Variants in VSTM4 observed in about 807,000 individuals in gnomAD.
VSTM4 encodes V-set and transmembrane domain-containing protein 4.
A neutral mutation model predicts 36.4 loss-of-function variants in VSTM4; 20 were observed. That is an observed-to-expected ratio of 0.55 (90% confidence interval 0.39 to 0.80). The LOEUF is 0.80. Among genes scored for constraint, VSTM4 ranks in the 30% least tolerant of loss-of-function variants. VSTM4 has a pLI of 0.00. For synonymous variants in VSTM4, 182 were observed against 173.9 expected, an observed-to-expected ratio of 1.05 and a Z score of -0.37; for missense variants, 392 against 404.5, an observed-to-expected ratio of 0.97 and a Z score of 0.26.
At position 49,107,691 on chromosome 10, in the gene VSTM4, G is replaced by A. The variant is rs143117054; in HGVS notation, c.360C>T (p.Ser120=). 258 of 1,614,206 alleles carry A rather than the reference G, an allele frequency of 1.6e-4. No homozygotes were observed. The highest frequency in any genetic ancestry group is 1.3e-3 in the African/African-American group (95 of 75,060). The change falls in exon 2 of 8, where the codon TCC becomes TCT. Residue 120 remains serine (S), a synonymous_variant. Transcript: ENST00000332853. ...YRLSVLTLQP[S]DQGHYVCRVQ... The stretch of plus-strand genomic sequence containing the variant: ...CTCTGCAGACGTAATGCCCTTGATC[G>A]GAGGGCTGCAGTGTCAAGACGGAGA...
chr10:49,083,263 A>G (rs1686179399), intron 3 of VSTM4, among the ~76,000 whole-genome samples: 1 of 152,160 alleles, frequency 6.6e-6, no homozygotes, highest in Non-Finnish European at 1.5e-5. Flanking sequence ...GATAGCCCCA[A>G]AGGATTTTAA....
At chr10:49,103,575 C>A (rs1414099622) in intron 2 of VSTM4, 1 of 1,392,788 alleles carries the variant, frequency 7.2e-7, no homozygotes, top group Non-Finnish European at 9.3e-7. Flanking sequence ...TAAGAGCCAA[C>A]ACTCCTATGG....
chr10:49,054,838 GTC>G (rs1285593082), intron 5 of VSTM4, among the ~76,000 whole-genome samples: 1 of 152,128 alleles, frequency 6.6e-6, no homozygotes, highest in Non-Finnish European at 1.5e-5. Flanking sequence ...TTCTAATATA[GTC>G]TCTCTCTGGG....
At chr10:49,098,799 T>A (rs771512033) in intron 2 of VSTM4, among the ~76,000 whole-genome samples, 3 of 152,208 alleles carry the variant, frequency 2.0e-5, no homozygotes, top group Non-Finnish European at 4.4e-5. Context: ...AAACCCCATG[T>A]GTTTGTGTGT....
intron 7 of VSTM4, among the ~76,000 whole-genome samples, chr10:49,022,424 G>C (rs1843196172): frequency 6.6e-6 from 1 of 152,082 alleles, no homozygotes; most frequent in African/African-American, 2.4e-5. Context: ...TTTCTTTTGA[G>C]ATGATGCACC....
intron 7 of VSTM4, among the ~76,000 whole-genome samples, chr10:49,044,817 A>G (rs894512409): frequency 2.1e-4 from 32 of 152,328 alleles, no homozygotes; most frequent in African/African-American, 7.5e-4. Flanking sequence ...ACCTTCGGGA[A>G]GCTTTACTTT....
At chr10:49,053,285 C>A (rs770620667) in intron 5 of VSTM4, among the ~76,000 whole-genome samples, 9 of 152,200 alleles carry the variant, frequency 5.9e-5, no homozygotes, top group Non-Finnish European at 1.3e-4. Context: ...CGTGCAGAGG[C>A]CTTGCTGTAA....
At chr10:49,114,597 TA>T (rs1462212437) in intron 1 of VSTM4, among the ~76,000 whole-genome samples, 11 of 151,704 alleles carry the variant, frequency 7.3e-5, no homozygotes, top group Non-Finnish European at 1.5e-4. Flanking sequence ...TTTTTTTTTT[TA>T]ATACTTGGAT....
chr10:49,067,927 T>C (rs1270926363), intron 4 of VSTM4, among the ~76,000 whole-genome samples: 3 of 152,182 alleles, frequency 2.0e-5, no homozygotes, highest in Non-Finnish European at 4.4e-5. Context: ...AGTATTTCCA[T>C]ATAACCTACG....
At chr10:49,105,990 A>C (rs1844775478) in intron 2 of VSTM4, among the ~76,000 whole-genome samples, 1 of 152,194 alleles carries the variant, frequency 6.6e-6, no homozygotes, top group African/African-American at 2.4e-5. Flanking sequence ...TCTATGTGAA[A>C]ATAATAAGCC....
At chr10:49,034,391 T>C (rs943828713) in intron 7 of VSTM4, among the ~76,000 whole-genome samples, 2 of 152,250 alleles carry the variant, frequency 1.3e-5, no homozygotes, top group African/African-American at 4.8e-5. Flanking sequence ...TAAATTCATG[T>C]TGCATGCAAT....
At chr10:49,022,528 G>A (rs1406962331) in intron 7 of VSTM4, among the ~76,000 whole-genome samples, 9 of 152,108 alleles carry the variant, frequency 5.9e-5, no homozygotes, top group Admixed American at 1.3e-4. Flanking sequence ...TGACCTAGAC[G>A]AATTGTCTAG....
chr10:49,019,715 C>T lies in VSTM4; in HGVS notation c.898G>A (p.Ala300Thr), dbSNP rs1028190207. 18 of 1,613,956 alleles carry T rather than the reference C, an allele frequency of 1.1e-5. No homozygotes were observed. The highest frequency in any genetic ancestry group is 1.4e-5 in the Non-Finnish European group (17 of 1,179,952). Residue 300 changes from alanine (A) to threonine (T), a missense_variant, in exon 8 of 8, where the codon GCT (alanine) becomes ACT (threonine). Ala to Thr is a moderately conservative substitution (Grantham distance 58, BLOSUM62 0). Transcript: ENST00000332853. ...GTGCTGGTGGGGGCGCCTTTGGCAG[C>T]CCGGTGGGGTTTGATCAGCTCCAGT... is the stretch of plus-strand genomic sequence containing the variant. Reference protein sequence around the residue: ...AELELIKPHRAAKGAPTSTVY... With the variant: ...AELELIKPHRTAKGAPTSTVY...
intron 2 of VSTM4, among the ~76,000 whole-genome samples, chr10:49,099,930 C>T (rs1208096288): frequency 1.3e-5 from 2 of 152,004 alleles, no homozygotes; most frequent in African/African-American, 2.4e-5. Flanking sequence ...GCAGGAGAAT[C>T]GCTTGAACCC....
rs1226816194 is a variant in VSTM4, at chr10:49,092,994, C to T, written c.458-6971G>A. On this transcript the variant is annotated intron_variant, in intron 2 of 7. Coordinates refer to ENST00000332853, the MANE Select transcript of VSTM4 (RefSeq NM_001031746.5). Reference sequence around the variant, plus strand: ...GCCCAACTCCAGGGGAAAACCGTCTCCCTTCTACCTCCCCCATTGACTGGG... The same window carrying T: ...GCCCAACTCCAGGGGAAAACCGTCTTCCTTCTACCTCCCCCATTGACTGGG... 2.6e-5 allele frequency among the ~76,000 whole-genome samples: 4 copies of T among 152,142 alleles called. No individual in the cohort carries two copies. In the East Asian group the frequency reaches 7.7e-4, roughly 29 times the overall value.
At chr10:49,021,281 A>G (rs962470094) in intron 7 of VSTM4, among the ~76,000 whole-genome samples, 1 of 152,188 alleles carries the variant, frequency 6.6e-6, no homozygotes, top group Admixed American at 6.5e-5. Context: ...AATGTGGAAA[A>G]TAAACCTATA....
chr10:49,060,214 G>C (rs985959572), intron 5 of VSTM4, among the ~76,000 whole-genome samples: 1 of 152,180 alleles, frequency 6.6e-6, no homozygotes, highest in African/African-American at 2.4e-5. Flanking sequence ...AGTTCTCTTG[G>C]ATAGATTCCT....
At chr10:49,065,122 T>C (rs754437649) in intron 4 of VSTM4, among the ~76,000 whole-genome samples, 11 of 152,156 alleles carry the variant, frequency 7.2e-5, no homozygotes, top group Admixed American at 2.6e-4. Context: ...AAGCTCCTCA[T>C]TGAAAAATGA....
In VSTM4 at chr10:49,107,726, G is replaced by A. The variant is rs1844810881; in HGVS notation, c.325C>T (p.Leu109Phe). The A allele has an allele frequency of 6.2e-7, 1 of 1,614,096 alleles. No individual in the cohort carries two copies. Among genetic ancestry groups the A allele is most frequent in the African/African-American group, 1.3e-5 (1 of 74,944 alleles). Reference sequence around the variant, plus strand: ...AGTGTCAAGACGGAGAGCCTGTAGAGCGCCCCCCGCTGCTCCTCCAGCAGG... The same window carrying A: ...AGTGTCAAGACGGAGAGCCTGTAGAACGCCCCCCGCTGCTCCTCCAGCAGG... ...LRLLEEQRGALYRLSVLTLQP... is the reference protein window; with the variant it reads ...LRLLEEQRGAFYRLSVLTLQP... The change falls in exon 2 of 8, where the codon CTC (leucine) becomes TTC (phenylalanine). Residue 109 changes from leucine to phenylalanine, a missense_variant. Leu to Phe is a conservative substitution (Grantham distance 22). Transcript: ENST00000332853.
Sources: allele counts gnomAD v4.1 joint callset (sites outside exome capture counted in the v4.1 genomes callset), GRCh38; gene constraint gnomAD v4.1.1; transcripts MANE v1.5; gene names NCBI Gene and HGNC (gene_info 2026-07-23, HGNC 2026-07-21).